ARL5A: variants seen among roughly 807,000 people sequenced by gnomAD.
ARL5A encodes the protein ADP-ribosylation factor-like protein 5A.
In ARL5A, 18 loss-of-function variants were observed where a neutral mutation model predicts 25.9. The ratio of observed to expected loss-of-function variants is 0.69; its 90% CI spans 0.48 to 1.03. ARL5A has a LOEUF of 1.03. Ranked by LOEUF, ARL5A falls within the 50% of genes least tolerant of loss-of-function variation. ARL5A has a pLI of 0.00. For synonymous variants in ARL5A, 61 were observed against 67.5 expected (o/e 0.90, Z 0.47); for missense variants, 170 against 211.9 (o/e 0.80, Z 1.23).
intron 2 of ARL5A, 72 bp from the exon 3 acceptor site, chr2:151,814,388 G>A: frequency 8.2e-7 from 1 of 1,217,800 alleles, no homozygotes; most frequent in Non-Finnish European, 1.1e-6. Flanking sequence ...TTTAATCAAG[G>A]ACAAATCAGC....
At chr2:151,814,468 A>C (rs2099831243) in intron 2 of ARL5A, 152 bp from the exon 3 acceptor site, 2 of 611,882 alleles carry the variant, frequency 3.3e-6, no homozygotes, top group Non-Finnish European at 5.5e-6. Flanking sequence ...TGAGGGTTTA[A>C]ACAGGGCTGG....
intron 5 of ARL5A, among the ~76,000 whole-genome samples, chr2:151,804,829 C>T (rs938764593): frequency 2.0e-5 from 3 of 152,102 alleles, no homozygotes; most frequent in African/African-American, 7.2e-5. Context: ...TTGTGATCTC[C>T]AATCCACTGA....
chr2:151,809,850 G>A (rs1208858595), intron 4 of ARL5A, among the ~76,000 whole-genome samples: 4 of 152,212 alleles, frequency 2.6e-5, no homozygotes, highest in African/African-American at 9.7e-5. Flanking sequence ...GGGAGGCTGA[G>A]GCGGGCAGAT....
Position 151,799,133 on chromosome 2 carries a change from C to CT in ARL5A, c.*4142dup, listed in dbSNP as rs145438924. On this transcript the variant is annotated 3_prime_UTR_variant, in exon 6 of 6. Coordinates refer to ENST00000295087, the MANE Select transcript of ARL5A (RefSeq NM_012097.4). ...TCTATTATCATGGTCTTAAAATAAT[C>CT]TATCGCACATTCTTTGAGGGAGCAT... 4.9e-3 allele frequency: 748 copies of CT among 152,276 alleles called. 6 individuals are homozygous for CT. Among genetic ancestry groups the CT allele is most frequent in the African/African-American group, 0.017 (706 of 41,550 alleles). 9.4% of individuals were successfully genotyped at this position (152,276 alleles called of 1,614,324 possible). A position where few individuals can be genotyped will look rare whatever the true frequency, so the allele number is the denominator to read the frequency against.
intron 2 of ARL5A, among the ~76,000 whole-genome samples, chr2:151,814,909 T>C (rs1274527972): frequency 6.6e-6 from 1 of 152,136 alleles, no homozygotes; most frequent in Non-Finnish European, 1.5e-5. Flanking sequence ...AAAAGAGCTT[T>C]AGCACAAAAC....
At chr2:151,826,321 C>A (rs2099833050) in intron 1 of ARL5A, among the ~76,000 whole-genome samples, 1 of 152,104 alleles carries the variant, frequency 6.6e-6, no homozygotes, top group Non-Finnish European at 1.5e-5. Flanking sequence ...CGCCAAACTG[C>A]CATAAATGTC....
At chr2:151,827,358 C>T (rs907092111) in intron 1 of ARL5A, 8 of 152,198 alleles carry the variant, frequency 5.3e-5, no homozygotes, top group African/African-American at 1.4e-4. Context: ...ACACTTTACA[C>T]TTAGTAACTT....
At position 151,814,376 on chromosome 2, in the gene ARL5A, T is replaced by A. The variant is rs1374641074; in HGVS notation, c.108-60A>T. 9 of 1,355,026 alleles carry A rather than the reference T, an allele frequency of 6.6e-6. No homozygotes were observed. The African/African-American group carries it at 1.4e-4, about 20-fold the overall frequency. 83.9% of individuals were successfully genotyped at this position (1,355,026 alleles called of 1,614,324 possible). ...AAGGAAGCTAACTTGCTTGAACAAT[T>A]TTTTAATCAAGGACAAATCAGCATG... On this transcript the variant is annotated intron_variant, in intron 2 of 5. Transcript: ENST00000295087.
chr2:151,812,313 C>T lies in ARL5A; in HGVS notation c.339+44G>A, dbSNP rs781410242. The T allele has an allele frequency of 1.5e-5, 20 of 1,352,824 alleles. No homozygotes were observed. The South Asian group carries it at 2.6e-4, about 18-fold the overall frequency. 83.8% of individuals were successfully genotyped at this position (1,352,824 alleles called of 1,614,324 possible). ...AAACTAGAAAACAAAGTATCGATTC[C>T]CATACCCTTCCCCATATCTAATGTA... is the stretch of plus-strand genomic sequence containing the variant. On this transcript the variant is annotated intron_variant, in intron 4 of 5. Transcript: ENST00000295087.
chr2:151,811,911 T>C (rs944613174), intron 4 of ARL5A, among the ~76,000 whole-genome samples: 1 of 152,198 alleles, frequency 6.6e-6, no homozygotes, highest in Non-Finnish European at 1.5e-5. Context: ...GCTAGTCATC[T>C]AGTTTTGTTT....
At chr2:151,806,315 G>A (rs902217931) in intron 5 of ARL5A, among the ~76,000 whole-genome samples, 2 of 152,126 alleles carry the variant, frequency 1.3e-5, no homozygotes, top group Non-Finnish European at 2.9e-5. Context: ...TTTTGTTTAA[G>A]TGCATCAGTT....
intron 1 of ARL5A, among the ~76,000 whole-genome samples, chr2:151,824,585 T>C (rs1462525658): frequency 2.0e-5 from 3 of 152,206 alleles, no homozygotes; most frequent in African/African-American, 4.8e-5. Flanking sequence ...CTGCACCCAT[T>C]CATACTTATA....
intron 1 of ARL5A, among the ~76,000 whole-genome samples, chr2:151,822,761 T>A (rs566991333): frequency 4.6e-5 from 7 of 152,186 alleles, no homozygotes; most frequent in Non-Finnish European, 1.0e-4. Context: ...TTTACTCAAA[T>A]AAGCCACAAC....
At chr2:151,815,987 T>C (rs180721063) in intron 1 of ARL5A, among the ~76,000 whole-genome samples, 3 of 152,322 alleles carry the variant, frequency 2.0e-5, no homozygotes, top group East Asian at 3.9e-4. Context: ...GTGTCCAAGA[T>C]GGCCTCTGGA....
intron 1 of ARL5A, among the ~76,000 whole-genome samples, chr2:151,817,547 T>C (rs2099831679): frequency 6.6e-6 from 1 of 152,254 alleles, no homozygotes; most frequent in African/African-American, 2.4e-5. Context: ...CCTCCTATTA[T>C]ACAAAAATAG....
Position 151,828,231 on chromosome 2 carries a change from G to T in ARL5A, c.-55C>A. ...CACCCGGGCCGCCTGGCTTCCCCCG[G>T]CTCAGGCTGAGGGGGAGGAGAGAGA... On this transcript the variant is annotated 5_prime_UTR_variant, in exon 1 of 6. Transcript: ENST00000295087. 1 of 1,548,996 alleles carries T rather than the reference G, an allele frequency of 6.5e-7. No individual in the cohort carries two copies. The highest frequency in any genetic ancestry group is 8.9e-7 in the Non-Finnish European group (1 of 1,126,624).
chr2:151,823,949 C>G (rs1211623788), intron 1 of ARL5A, among the ~76,000 whole-genome samples: 12 of 152,168 alleles, frequency 7.9e-5, no homozygotes, highest in Admixed American at 7.9e-4. Context: ...GTACAAACAC[C>G]CTTTCCTCCT....
At chr2:151,804,057 A>T (rs912334702) in intron 5 of ARL5A, among the ~76,000 whole-genome samples, 1 of 152,208 alleles carries the variant, frequency 6.6e-6, no homozygotes, top group Non-Finnish European at 1.5e-5. Flanking sequence ...GAAATGGAGG[A>T]AATAAAACCA....
intron 1 of ARL5A, 41 bp from the exon 2 acceptor site, chr2:151,815,240 G>GAA: frequency 9.7e-6 from 14 of 1,442,196 alleles, no homozygotes; most frequent in South Asian, 1.3e-5. Flanking sequence ...TTCAAAAAAG[G>GAA]AAAAAAAAAG....
Sources: gnomAD v4.1 joint callset for allele counts (sites outside exome capture counted in the v4.1 genomes callset) on GRCh38, gnomAD v4.1.1 for gene constraint, MANE v1.5 for transcripts, NCBI Gene and HGNC (gene_info 2026-07-23, HGNC 2026-07-21) for gene names.